The following SPATC1L variants were observed in gnomAD, a reference collection of about 807,000 sequenced individuals.
SPATC1L encodes speriolin-like protein.
Under a neutral mutation model 21.2 loss-of-function variants are expected in SPATC1L, and 20 were observed. That is an observed-to-expected ratio of 0.94 (90% CI 0.66 to 1.37). The LOEUF (loss-of-function observed/expected upper bound fraction) is 1.37, where lower values mean the gene tolerates loss of function less well. SPATC1L is among the 40% of genes most tolerant of loss of function. The pLI is 0.00. For synonymous variants in SPATC1L, 290 were observed against 234.5 expected, an observed-to-expected ratio of 1.24 and a Z score of -2.16; for missense variants, 499 against 478.7, an observed-to-expected ratio of 1.04 and a Z score of -0.40.
intron 2 of SPATC1L, among the ~76,000 whole-genome samples, chr21:46,173,603 G>A (rs948438530): frequency 1.3e-5 from 2 of 152,092 alleles, no homozygotes; most frequent in African/African-American, 4.8e-5. Context: ...ACACTGAGCA[G>A]AGAACAGTGG....
At chr21:46,171,225 T>G (rs76045843) in intron 2 of SPATC1L, among the ~76,000 whole-genome samples, 1 of 152,232 alleles carries the variant, frequency 6.6e-6, no homozygotes, top group Non-Finnish European at 1.5e-5. Flanking sequence ...CAAATTTAGC[T>G]TATCTATGCC....
At position 46,182,688 on chromosome 21, in the gene SPATC1L, G is replaced by T; in HGVS notation, c.129C>A (p.Gly43=). 6.5e-7 allele frequency: 1 copy of T among 1,542,900 alleles called. No individual in the cohort carries two copies. Among genetic ancestry groups the T allele is most frequent in the Non-Finnish European group, 8.7e-7 (1 of 1,146,340 alleles). The change falls in exon 2 of 5, where the codon GGC becomes GGA. Residue 43 remains glycine, a synonymous_variant. Coordinates refer to ENST00000291672, the MANE Select transcript of SPATC1L (RefSeq NM_001142854.2). ...CCCTGGGTGGGAGCAGGTCGTGGCC[G>T]CCGCCCTCCTGGCAGCTCTGGCTGA... is the stretch of plus-strand genomic sequence containing the variant. The part of the protein sequence containing the change: ...RLLSQSCQEG[G]GHDLLPPRAH...
rs1265729369 is a variant in SPATC1L, at chr21:46,161,319, C to G, written c.*60G>C. On this transcript the variant is annotated 3_prime_UTR_variant, in exon 5 of 5. Transcript: ENST00000291672. ...CTCCGGGGGGACGCGCAGGAGGCAC[C>G]GCGGCCCCGGGTTGGAACAAACGCG... The G allele has an allele frequency of 2.8e-6, 4 of 1,420,924 alleles. 1 individual carries two copies. The highest frequency in any genetic ancestry group is 3.7e-6 in the Non-Finnish European group (4 of 1,085,542). 88.0% of individuals were successfully genotyped at this position (1,420,924 alleles called of 1,614,324 possible).
chr21:46,171,762 C>T (rs1404642123), intron 2 of SPATC1L, among the ~76,000 whole-genome samples: 1 of 151,972 alleles, frequency 6.6e-6, no homozygotes, highest in Non-Finnish European at 1.5e-5. Flanking sequence ...AATGATTATT[C>T]CCCAGAGGGC....
intron 3 of SPATC1L, among the ~76,000 whole-genome samples, chr21:46,163,117 T>C (rs1386922487): frequency 2.0e-5 from 3 of 152,212 alleles, no homozygotes; most frequent in African/African-American, 7.2e-5. Context: ...TGGCCATTTA[T>C]ATACTGTATC....
intron 2 of SPATC1L, among the ~76,000 whole-genome samples, chr21:46,182,104 T>C (rs1193705853): frequency 1.3e-5 from 2 of 152,254 alleles, no homozygotes; most frequent in Admixed American, 6.5e-5. Flanking sequence ...CCTGCTCCCC[T>C]GGCCGGTGGC....
Position 46,161,657 on chromosome 21 carries a change from C to T in SPATC1L, c.745G>A (p.Glu249Lys), listed in dbSNP as rs746681640. The T allele has an allele frequency of 2.5e-6, 4 of 1,608,692 alleles. No homozygotes were observed. In the Admixed American group the frequency reaches 6.7e-5, roughly 27 times the overall value. The change falls in exon 5 of 5, where the codon GAG becomes AAG. Residue 249 changes from glutamate (E) to lysine (K), a missense_variant. Coordinates refer to ENST00000291672, the MANE Select transcript of SPATC1L (RefSeq NM_001142854.2). ...DGSVDERKLR[E>K]LTQRYLALSA... ...AGGGCCAGGTAGCGCTGCGTCAGCT[C>T]GCGCAGCTTCCTCTCGTCCACGGAG...
At chr21:46,172,809 G>C (rs1410935765) in intron 2 of SPATC1L, among the ~76,000 whole-genome samples, 1 of 152,236 alleles carries the variant, frequency 6.6e-6, no homozygotes, top group East Asian at 1.9e-4. Context: ...CAGATGGAGG[G>C]AGCACACAGA....
intron 2 of SPATC1L, among the ~76,000 whole-genome samples, chr21:46,174,821 T>G (rs114879200): frequency 1.3e-5 from 2 of 152,218 alleles, no homozygotes; most frequent in Admixed American, 1.3e-4. Context: ...CTGACAGATA[T>G]CTACAGAACT....
intron 2 of SPATC1L, among the ~76,000 whole-genome samples, chr21:46,169,319 T>TC (rs2079565281): frequency 3.9e-5 from 4 of 102,722 alleles, no homozygotes; most frequent in South Asian, 3.5e-4. Context: ...GGGAGGAGCC[T>TC]CCTGCTCTGT....
Position 46,161,200 on chromosome 21 carries a change from C to G in SPATC1L, c.*179G>C, listed in dbSNP as rs1055205393. Reference sequence around the variant, plus strand: ...TTAATGAGGGGTGAGAAGCACTCCGCAGGTGCGGGCAGCGGCGGGCTGCGG... The same window carrying G: ...TTAATGAGGGGTGAGAAGCACTCCGGAGGTGCGGGCAGCGGCGGGCTGCGG... On this transcript the variant is annotated 3_prime_UTR_variant, in exon 5 of 5. Transcript: ENST00000291672. 2.2e-5 allele frequency: 11 copies of G among 502,496 alleles called. No individual in the cohort carries two copies. The highest frequency in any genetic ancestry group is 3.7e-5 in the Non-Finnish European group (11 of 299,182). The allele number at this position is 502,496 out of a possible 1,614,324, so 31.1% of individuals were successfully genotyped here.
chr21:46,162,142 G>A (rs981954240), intron 3 of SPATC1L, 75 bp from the exon 4 acceptor site: 9 of 1,442,774 alleles, frequency 6.2e-6, no homozygotes, highest in East Asian at 5.1e-5. Flanking sequence ...CCTCGGCCAC[G>A]TGGGGGGCGG....
rs1438786979 is a variant in SPATC1L, at chr21:46,162,017, T to A, written c.595A>T (p.Ile199Phe). ...AEKDARVVGEIAFQLDRRILA... is the reference protein window; with the variant it reads ...AEKDARVVGEFAFQLDRRILA... ...ATGCGGCGGTCCAGCTGGAAGGCGA[T>A]CTCGCCCACCACGCGCGCGTCCTTC... is the stretch of plus-strand genomic sequence containing the variant. The change falls in exon 4 of 5, where the codon ATC (isoleucine) becomes TTC (phenylalanine). Residue 199 changes from isoleucine to phenylalanine, a missense_variant. Transcript: ENST00000291672. 6.3e-7 allele frequency: 1 copy of A among 1,599,360 alleles called. No homozygotes were observed. Among genetic ancestry groups the A allele is most frequent in the Admixed American group, 1.7e-5 (1 of 58,740 alleles).
At chr21:46,179,362 G>T (rs993643114) in intron 2 of SPATC1L, among the ~76,000 whole-genome samples, 1 of 151,994 alleles carries the variant, frequency 6.6e-6, no homozygotes, top group Non-Finnish European at 1.5e-5. Flanking sequence ...CAACATAGAA[G>T]ATCCCATCTC....
rs540981559 is a variant in SPATC1L at position 46,168,025 on chromosome 21, C to T, written c.544+283G>A. 9.9e-5 allele frequency among the ~76,000 whole-genome samples: 15 copies of T among 152,230 alleles called. No individual in the cohort carries two copies. The South Asian group carries it at 1.2e-3, about 13-fold the overall frequency. On this transcript the variant is annotated intron_variant, in intron 3 of 4. Coordinates refer to ENST00000291672, the MANE Select transcript of SPATC1L (RefSeq NM_001142854.2). ...AATGAAAAACCATGGAGTGGGAGAC[C>T]GTATCTGCAAAACATACACCCAAAA...
rs1484907251 is a variant in SPATC1L at position 46,183,533 on chromosome 21, G to C, written c.-717C>G. 6.9e-6 allele frequency: 1 copy of C among 144,140 alleles called. No homozygotes were observed. The highest frequency in any genetic ancestry group is 2.8e-5 in the African/African-American group (1 of 36,294). 8.9% of individuals were successfully genotyped at this position (144,140 alleles called of 1,614,324 possible). ...CAGCTTGCGGGGGAGACCAGCCTGC[G>C]GGGGAGACCAGCCTGGGCGGGGAGA... is the stretch of plus-strand genomic sequence containing the variant. On this transcript the variant is annotated 5_prime_UTR_variant, in exon 2 of 5. Transcript: ENST00000291672.
At chr21:46,167,789 T>C (rs1433478761) in intron 3 of SPATC1L, among the ~76,000 whole-genome samples, 1 of 152,114 alleles carries the variant, frequency 6.6e-6, no homozygotes. Context: ...ACACCATATA[T>C]GAAAATTAAC....
Position 46,183,117 on chromosome 21 carries a change from C to G in SPATC1L, c.-301G>C, listed in dbSNP as rs2079689544. 2.4e-6 allele frequency: 1 copy of G among 410,120 alleles called. No individual in the cohort carries two copies. Among genetic ancestry groups the G allele is most frequent in the Non-Finnish European group, 4.3e-6 (1 of 229,986 alleles). 25.4% of individuals were successfully genotyped at this position (410,120 alleles called of 1,614,324 possible). A position where few individuals can be genotyped will look rare whatever the true frequency, so the allele number is the denominator to read the frequency against. ...GACATTAGGCAGCTACGGGATGTAG[C>G]GACTGTACTCCAAGAGGGGCGTCCA... On this transcript the variant is annotated 5_prime_UTR_variant, in exon 2 of 5. Coordinates refer to ENST00000291672, the MANE Select transcript of SPATC1L (RefSeq NM_001142854.2).
chr21:46,174,346 A>AC (rs1192820399), intron 2 of SPATC1L, among the ~76,000 whole-genome samples: 1,357 of 93,912 alleles, frequency 0.014, 37 homozygotes, highest in African/African-American at 0.04. Flanking sequence ...AAACAAAACA[A>AC]AAAAAAAAAA....
Sources: gnomAD v4.1 joint callset for allele counts (sites outside exome capture counted in the v4.1 genomes callset) on GRCh38, gnomAD v4.1.1 for gene constraint, MANE v1.5 for transcripts, NCBI Gene and HGNC (gene_info 2026-07-23, HGNC 2026-07-21) for gene names.